Variants in TDRD3 observed in about 807,000 individuals in gnomAD.
TDRD3 encodes tudor domain containing 3, also known as tudor domain-containing protein 3.
TDRD3 carries 45 observed loss-of-function variants against 86.7 expected under a neutral mutation model. That is an observed-to-expected ratio of 0.52 (90% CI 0.41 to 0.67). The LOEUF (loss-of-function observed/expected upper bound fraction) is 0.67. TDRD3 is among the 30% of genes least tolerant of loss of function. The pLI is 0.00. For missense variants in TDRD3, 814 were observed against 889.0 expected (o/e 0.92, Z 1.07); for synonymous variants, 298 against 301.7 (o/e 0.99, Z 0.13).
In TDRD3 at chr13:60,398,040, T is replaced by C. The variant is rs564279453; in HGVS notation, c.41+635T>C. 3.9e-5 allele frequency among the ~76,000 whole-genome samples: 6 copies of C among 152,340 alleles called. No homozygotes were observed. In the South Asian group the frequency reaches 1.0e-3, roughly 26 times the overall value. ...TCGTGGGGGTGCTCGGTAGAACTTT[T>C]CTTGAAAGGATGGTGTTCTGATTTT... On this transcript the variant is annotated intron_variant, in intron 1 of 13. Transcript: ENST00000377881.
At chr13:60,396,064 T>C (rs1027389271), upstream of TDRD3, among the ~76,000 whole-genome samples, 6 of 152,274 alleles carry the variant, frequency 3.9e-5, no homozygotes, top group African/African-American at 1.2e-4. Context: ...AGGGCAATTA[T>C]CCCCTTCCTT....
intron 10 of TDRD3, among the ~76,000 whole-genome samples, chr13:60,521,425 C>T (rs1046357376): frequency 2.6e-5 from 4 of 151,268 alleles, no homozygotes; most frequent in East Asian, 3.9e-4. Context: ...CTACTCTCAA[C>T]GTAGTAACTA....
chr13:60,506,369 T>G (rs1956937016), intron 8 of TDRD3, among the ~76,000 whole-genome samples: 1 of 152,170 alleles, frequency 6.6e-6, no homozygotes, highest in South Asian at 2.1e-4. Flanking sequence ...CAGGCCTGCC[T>G]TACAAGAGTT....
At chr13:60,439,611 A>G (rs1214591501) in intron 1 of TDRD3, 77 bp from the exon 2 acceptor site, 1 of 1,162,320 alleles carries the variant, frequency 8.6e-7, no homozygotes, top group Admixed American at 2.6e-5. Flanking sequence ...AGTAGAAAAC[A>G]AAATTGCATG....
intron 3 of TDRD3, among the ~76,000 whole-genome samples, chr13:60,458,512 A>C (rs1201110716): frequency 1.3e-5 from 2 of 152,094 alleles, no homozygotes; most frequent in African/African-American, 2.4e-5. Flanking sequence ...CCAGATATCG[A>C]ATATTGGTAA....
chr13:60,557,359 C>T (rs1009006472), intron 12 of TDRD3, among the ~76,000 whole-genome samples: 29 of 152,264 alleles, frequency 1.9e-4, no homozygotes, highest in African/African-American at 5.5e-4. Context: ...TTGTGTGAAA[C>T]GCCATGGATG....
At chr13:60,506,436 A>G (rs1313952331) in intron 8 of TDRD3, among the ~76,000 whole-genome samples, 4 of 152,184 alleles carry the variant, frequency 2.6e-5, no homozygotes, top group Admixed American at 6.5e-5. Context: ...CTGCAAAAAC[A>G]TACCAAATTG....
intron 3 of TDRD3, among the ~76,000 whole-genome samples, chr13:60,451,268 C>G (rs1344234381): frequency 1.3e-5 from 2 of 152,072 alleles, no homozygotes; most frequent in African/African-American, 4.8e-5. Context: ...CAGTTACACA[C>G]AAAAAAGCGG....
intron 1 of TDRD3, among the ~76,000 whole-genome samples, chr13:60,411,279 G>A (rs913809939): frequency 6.6e-6 from 1 of 152,234 alleles, no homozygotes; most frequent in African/African-American, 2.4e-5. Context: ...AAAGAGTGCA[G>A]TGTAGTGGTA....
At chr13:60,494,672 T>C (rs1595018662) in intron 8 of TDRD3, 97 bp downstream of exon 8, 1 of 1,121,060 alleles carries the variant, frequency 8.9e-7, no homozygotes, top group East Asian at 2.5e-5. Context: ...TGCAATGTAT[T>C]ATGGATAGAT....
At chr13:60,395,628 C>G (rs539880406), upstream of TDRD3, among the ~76,000 whole-genome samples, 1 of 152,256 alleles carries the variant, frequency 6.6e-6, no homozygotes, top group South Asian at 2.1e-4. Flanking sequence ...GTGAGAAATT[C>G]TGATGATTGG....
intron 1 of TDRD3, among the ~76,000 whole-genome samples, chr13:60,434,464 TAA>T (rs774279549): frequency 1.5e-4 from 19 of 130,688 alleles, no homozygotes; most frequent in Middle Eastern, 3.9e-3. Flanking sequence ...AGACCCTGTT[TAA>T]AAAAAAAAAA....
intron 5 of TDRD3, among the ~76,000 whole-genome samples, chr13:60,482,451 C>T (rs986140459): frequency 1.3e-5 from 2 of 152,098 alleles, no homozygotes; most frequent in Admixed American, 6.5e-5. Context: ...AAGTATTGCT[C>T]ATGTGCCTTT....
chr13:60,450,849 C>G (rs1955521188), intron 3 of TDRD3, among the ~76,000 whole-genome samples: 1 of 152,114 alleles, frequency 6.6e-6, no homozygotes, highest in Admixed American at 6.6e-5. Flanking sequence ...GCTTTTCTTG[C>G]TAGACTGTTA....
chr13:60,449,502 A>C (rs1027233678), intron 3 of TDRD3, among the ~76,000 whole-genome samples: 2 of 152,144 alleles, frequency 1.3e-5, no homozygotes, highest in African/African-American at 2.4e-5. Flanking sequence ...CAAATGATAC[A>C]CTGGGAAAAG....
At chr13:60,502,329 C>G (rs980867092) in intron 8 of TDRD3, among the ~76,000 whole-genome samples, 8 of 152,056 alleles carry the variant, frequency 5.3e-5, no homozygotes, top group Non-Finnish European at 1.2e-4. Context: ...AAAATGTCAA[C>G]AAAATAAACT....
At chr13:60,404,182 C>A (rs1217575045) in intron 1 of TDRD3, among the ~76,000 whole-genome samples, 1 of 152,134 alleles carries the variant, frequency 6.6e-6, no homozygotes, top group East Asian at 1.9e-4. Flanking sequence ...AAGGAAAAAA[C>A]AAGGCACTGT....
At chr13:60,469,887 T>C (rs1956039388) in intron 5 of TDRD3, among the ~76,000 whole-genome samples, 1 of 152,198 alleles carries the variant, frequency 6.6e-6, no homozygotes, top group East Asian at 1.9e-4. Context: ...AAAGTATACA[T>C]AACATAAAAT....
upstream of TDRD3, chr13:60,396,539 C>G (rs1361525526): frequency 1.3e-5 from 2 of 152,746 alleles, no homozygotes; most frequent in East Asian, 1.9e-4. Flanking sequence ...TCTGGCAGTA[C>G]AGAGCCAAGG....
Sources: allele counts gnomAD v4.1 joint callset (sites outside exome capture counted in the v4.1 genomes callset), GRCh38; gene constraint gnomAD v4.1.1; transcripts MANE v1.5; gene names NCBI Gene and HGNC (gene_info 2026-07-23, HGNC 2026-07-21).